FAM24B: variants seen among roughly 807,000 people sequenced by gnomAD.
The protein encoded by FAM24B is family with sequence similarity 24 member B.
FAM24B carries 3 observed loss-of-function variants against 2.3 expected under a neutral mutation model. The observed-to-expected ratio is 1.29, with a 90% CI of 0.59 to 3.32. The LOEUF is 3.32. FAM24B is among the 30% of genes most tolerant of loss of function. FAM24B has a pLI of 0.03. For missense variants in FAM24B, 98 were observed against 117.2 expected (o/e 0.84, Z 0.76); for synonymous variants, 36 against 46.3 (o/e 0.78, Z 0.90).
chr10:122,864,403 C>A (rs996461187), intron 1 of FAM24B, among the ~76,000 whole-genome samples: 8 of 152,106 alleles, frequency 5.3e-5, no homozygotes, highest in African/African-American at 1.9e-4. Flanking sequence ...TCACTGAGGT[C>A]TGTTGCGTGT....
Position 122,849,323 on chromosome 10 carries a change from C to T in FAM24B, c.209G>A (p.Cys70Tyr). The T allele has an allele frequency of 6.2e-7, 1 of 1,612,740 alleles. No individual in the cohort carries two copies. Among genetic ancestry groups the T allele is most frequent in the Non-Finnish European group, 8.5e-7 (1 of 1,179,320 alleles). Residue 70 changes from cysteine to tyrosine, a missense_variant, in exon 4 of 4, where the codon TGC (cysteine) becomes TAC (tyrosine). Cys to Tyr is a radical substitution (Grantham distance 194). Transcript: ENST00000368898. ...GGCACACATTCTATATCCTTCACAG[C>T]ACTGCAGGGCAGGACAAGACTCCGT... ...IATESCPALQCCEGYRMCASF... is the reference protein window; with the variant it reads ...IATESCPALQYCEGYRMCASF...
intron 1 of FAM24B, among the ~76,000 whole-genome samples, chr10:122,878,032 A>G (rs536479329): frequency 3.3e-5 from 5 of 152,252 alleles, no homozygotes; most frequent in South Asian, 2.1e-4. Flanking sequence ...AGAGAATTAT[A>G]GTATCTAAAA....
intron 1 of FAM24B, 109 bp downstream of exon 1, chr10:122,879,373 ATGC>A (rs1848038681): frequency 6.6e-6 from 1 of 152,324 alleles, no homozygotes; most frequent in Non-Finnish European, 1.5e-5. Context: ...GCTGCCACAA[ATGC>A]TGCAGACCCG....
At chr10:122,879,253 C>T (rs1340372557) in intron 1 of FAM24B, among the ~76,000 whole-genome samples, 2 of 152,232 alleles carry the variant, frequency 1.3e-5, no homozygotes, top group African/African-American at 2.4e-5. Flanking sequence ...CCACCACTAA[C>T]GCCGTTCAAT....
At chr10:122,852,800 A>C (rs902085168) in intron 2 of FAM24B, among the ~76,000 whole-genome samples, 1 of 152,110 alleles carries the variant, frequency 6.6e-6, no homozygotes, top group Non-Finnish European at 1.5e-5. Flanking sequence ...TAGGCTCTCT[A>C]CTCAGTCTTC....
chr10:122,868,570 C>A (rs978121572), intron 1 of FAM24B, among the ~76,000 whole-genome samples: 1 of 152,160 alleles, frequency 6.6e-6, no homozygotes, highest in African/African-American at 2.4e-5. Flanking sequence ...GCCCATCAGA[C>A]TAACAGCTGA....
At chr10:122,877,662 T>A (rs1470719852) in intron 1 of FAM24B, among the ~76,000 whole-genome samples, 1 of 152,104 alleles carries the variant, frequency 6.6e-6, no homozygotes, top group Non-Finnish European at 1.5e-5. Flanking sequence ...GCAGTTGAGT[T>A]TGGGGGAAGG....
intron 1 of FAM24B, among the ~76,000 whole-genome samples, chr10:122,858,297 G>T (rs376884490): frequency 2.0e-5 from 3 of 151,588 alleles, no homozygotes; most frequent in African/African-American, 4.9e-5. Context: ...GCAAACTATC[G>T]CAAGGACAAA....
chr10:122,859,302 A>C (rs1459426863), intron 1 of FAM24B, among the ~76,000 whole-genome samples: 1 of 152,194 alleles, frequency 6.6e-6, no homozygotes, highest in Non-Finnish European at 1.5e-5. Flanking sequence ...TTCTATATTG[A>C]AGCTAAGTGG....
At chr10:122,876,864 AC>A (rs1847983461) in intron 1 of FAM24B, among the ~76,000 whole-genome samples, 1 of 152,242 alleles carries the variant, frequency 6.6e-6, no homozygotes, top group Non-Finnish European at 1.5e-5. Context: ...AAAAGAGCAC[AC>A]AAAAACAAAA....
intron 1 of FAM24B, among the ~76,000 whole-genome samples, chr10:122,868,976 G>C (rs1290030001): frequency 2.6e-5 from 4 of 152,100 alleles, no homozygotes; most frequent in Non-Finnish European, 4.4e-5. Flanking sequence ...CCAATTAAAA[G>C]GCACAGACTG....
chr10:122,860,287 T>C (rs1436485452), intron 1 of FAM24B, among the ~76,000 whole-genome samples: 1 of 152,216 alleles, frequency 6.6e-6, no homozygotes, highest in African/African-American at 2.4e-5. Flanking sequence ...AACTAAATCA[T>C]ATTATACTTA....
At chr10:122,872,759 G>A (rs760290593) in intron 1 of FAM24B, among the ~76,000 whole-genome samples, 11 of 152,160 alleles carry the variant, frequency 7.2e-5, no homozygotes, top group African/African-American at 2.7e-4. Context: ...ACACAGGAAG[G>A]GGAACATCAC....
chr10:122,867,713 G>T (rs1847823921), intron 1 of FAM24B, among the ~76,000 whole-genome samples: 1 of 152,218 alleles, frequency 6.6e-6, no homozygotes, highest in African/African-American at 2.4e-5. Flanking sequence ...AACTCCAACA[G>T]ACTTGCAGCT....
chr10:122,871,976 G>T (rs897660719), intron 1 of FAM24B, among the ~76,000 whole-genome samples: 13 of 152,102 alleles, frequency 8.5e-5, no homozygotes, highest in African/African-American at 2.9e-4. Flanking sequence ...CACAGCAAAA[G>T]AAACCACCGT....
intron 2 of FAM24B, among the ~76,000 whole-genome samples, chr10:122,854,143 C>T (rs544185736): frequency 6.6e-6 from 1 of 152,330 alleles, no homozygotes; most frequent in South Asian, 2.1e-4. Flanking sequence ...GTGACTCAGA[C>T]ATAGCAGTTA....
In FAM24B at chr10:122,850,459, CACG is replaced by C. The variant is rs1847511287; in HGVS notation, c.54_56del (p.Val19del). On this transcript the variant is annotated inframe_deletion, in exon 3 of 4. Transcript: ENST00000368898. ...TGTGTATTTTGAAGTAAAGACAGAG[CACG>C]ACAACTATCAGCAGGAGCAAGGCCG... 2 of 1,614,078 alleles carry C rather than the reference CACG, an allele frequency of 1.2e-6. No individual in the cohort carries two copies. Among genetic ancestry groups the C allele is most frequent in the Non-Finnish European group, 1.7e-6 (2 of 1,180,002 alleles).
At chr10:122,854,254 A>AT (rs1163675604) in intron 2 of FAM24B, among the ~76,000 whole-genome samples, 2 of 152,202 alleles carry the variant, frequency 1.3e-5, no homozygotes, top group Admixed American at 6.5e-5. Flanking sequence ...TTTTAGTAAT[A>AT]TCTTTCTGAG....
intron 1 of FAM24B, among the ~76,000 whole-genome samples, chr10:122,874,121 T>G (rs1398575778): frequency 6.6e-6 from 1 of 152,184 alleles, no homozygotes; most frequent in Non-Finnish European, 1.5e-5. Flanking sequence ...TAATACCAAT[T>G]AGATCCAGTG....
Sources: gnomAD v4.1 joint callset for allele counts (sites outside exome capture counted in the v4.1 genomes callset) on GRCh38, gnomAD v4.1.1 for gene constraint, MANE v1.5 for transcripts, NCBI Gene and HGNC (gene_info 2026-07-23, HGNC 2026-07-21) for gene names.